The following PTK2 variants were observed in gnomAD, a reference collection of about 807,000 sequenced individuals.
The protein encoded by PTK2 is protein tyrosine kinase 2, also known as focal adhesion kinase 1.
In PTK2, 45 loss-of-function variants were observed where a neutral mutation model predicts 150.1. The observed-to-expected ratio is 0.30, with a 90% CI of 0.24 to 0.38. PTK2 has a LOEUF of 0.38. PTK2 is among the 10% of genes least tolerant of loss of function. PTK2 has a pLI of 1.00. For missense variants in PTK2, 919 were observed against 1,307.3 expected, an observed-to-expected ratio of 0.70 and a Z score of 4.58; for synonymous variants, 432 against 449.2, an observed-to-expected ratio of 0.96 and a Z score of 0.48.
At chr8:140,904,817 T>C (rs2100160216) in intron 2 of PTK2, among the ~76,000 whole-genome samples, 1 of 152,204 alleles carries the variant, frequency 6.6e-6, no homozygotes, top group Non-Finnish European at 1.5e-5. Context: ...TAATGGTAGT[T>C]TGTATTTCTG....
intron 26 of PTK2, among the ~76,000 whole-genome samples, chr8:140,689,012 C>T (rs999348191): frequency 1.3e-5 from 2 of 152,130 alleles, no homozygotes; most frequent in East Asian, 1.9e-4. Context: ...TGAAATATAG[C>T]TCAAGAGAAA....
chr8:140,803,694 C>A, intron 10 of PTK2, 44 bp from the exon 11 acceptor site: 1 of 1,508,156 alleles, frequency 6.6e-7, no homozygotes, highest in Non-Finnish European at 9.2e-7. Flanking sequence ...GGATAAAAAA[C>A]TCATTTCACA....
chr8:140,717,736 G>C, intron 22 of PTK2, 27 bp from the exon 26 acceptor site: 1 of 1,586,196 alleles, frequency 6.3e-7, no homozygotes, highest in Non-Finnish European at 8.7e-7. Context: ...TTGTCTTAGG[G>C]GAGCTGACAA....
At chr8:140,812,074 C>T (rs2100101906) in intron 10 of PTK2, among the ~76,000 whole-genome samples, 1 of 152,100 alleles carries the variant, frequency 6.6e-6, no homozygotes, top group Non-Finnish European at 1.5e-5. Context: ...TAAGATACTA[C>T]ACGAGAAGAT....
chr8:140,783,349 G>A (rs1292866235), intron 14 of PTK2, among the ~76,000 whole-genome samples: 1 of 152,148 alleles, frequency 6.6e-6, no homozygotes, highest in Non-Finnish European at 1.5e-5. Context: ...TGTGAACTTG[G>A]CCAAACCACT....
intron 28 of PTK2, among the ~76,000 whole-genome samples, chr8:140,675,038 C>G (rs1256466843): frequency 6.7e-6 from 1 of 149,398 alleles, no homozygotes; most frequent in South Asian, 2.1e-4. Context: ...TACACTCCAG[C>G]CTGGGTGACA....
chr8:140,750,733 C>G (rs2100062163), intron 17 of PTK2, among the ~76,000 whole-genome samples: 1 of 152,114 alleles, frequency 6.6e-6, no homozygotes. Flanking sequence ...AGAGCTCACT[C>G]AAGGAAGCTT....
At position 140,665,004 on chromosome 8, in the gene PTK2, G is replaced by A; in HGVS notation, c.2866-7C>T. 1 of 1,612,404 alleles carries A rather than the reference G, an allele frequency of 6.2e-7. No homozygotes were observed. Among genetic ancestry groups the A allele is most frequent in the Non-Finnish European group, 8.5e-7 (1 of 1,178,866 alleles). ...TCAGGGCCAAGCCGACTTCCTAACA[G>A]ACAAGAATCACAACCAATATTAGAA... On this transcript the variant is annotated splice_region_variant and splice_polypyrimidine_tract_variant and intron_variant, in intron 30 of 31. Transcript: ENST00000522684.
chr8:140,675,066 CAAAA>C (rs57165594), intron 28 of PTK2, among the ~76,000 whole-genome samples: 4 of 136,628 alleles, frequency 2.9e-5, no homozygotes, highest in Non-Finnish European at 1.6e-5. Flanking sequence ...ACTCTGTATC[CAAAA>C]AAAAAAAAAG....
At chr8:140,693,434 G>A (rs751755547) in intron 26 of PTK2, among the ~76,000 whole-genome samples, 6 of 151,954 alleles carry the variant, frequency 3.9e-5, no homozygotes, top group Non-Finnish European at 5.9e-5. Flanking sequence ...GCATATGCCC[G>A]TAGTCGCAGC....
intron 1 of PTK2, among the ~76,000 whole-genome samples, chr8:140,976,405 C>T (rs767451185): frequency 6.6e-6 from 1 of 152,128 alleles, no homozygotes; most frequent in Non-Finnish European, 1.5e-5. Context: ...GAAATGGACA[C>T]CCAAAATAAA....
intron 12 of PTK2, 65 bp from the exon 13 acceptor site, chr8:140,793,449 G>C: frequency 2.6e-6 from 4 of 1,558,874 alleles, no homozygotes; most frequent in Non-Finnish European, 3.5e-6. Flanking sequence ...ATGGTGCCTA[G>C]AATCAGGGAG....
intron 14 of PTK2, among the ~76,000 whole-genome samples, chr8:140,774,560 C>T (rs985967757): frequency 1.3e-5 from 2 of 152,138 alleles, no homozygotes; most frequent in Admixed American, 6.5e-5. Flanking sequence ...CAGAACAACT[C>T]CATCTTGAAT....
intron 4 of PTK2, among the ~76,000 whole-genome samples, chr8:140,870,056 ACCCGC>A (rs2100141647): frequency 6.6e-6 from 1 of 152,090 alleles, no homozygotes. Context: ...ACACAAACAC[ACCCGC>A]CCTCTTTATA....
intron 20 of PTK2, among the ~76,000 whole-genome samples, chr8:140,740,792 CAATT>C (rs2100055218): frequency 6.6e-6 from 1 of 152,156 alleles, no homozygotes; most frequent in Non-Finnish European, 1.5e-5. Flanking sequence ...AATGACTAAA[CAATT>C]AAAATGAATA....
intron 26 of PTK2, among the ~76,000 whole-genome samples, chr8:140,695,412 ATT>A (rs200068174): frequency 1.5e-4 from 20 of 136,456 alleles, no homozygotes; most frequent in African/African-American, 1.9e-4. Context: ...AGGTGGTCCT[ATT>A]TTTTTTTTTT....
intron 20 of PTK2, among the ~76,000 whole-genome samples, chr8:140,743,002 C>A (rs1442577036): frequency 6.6e-6 from 1 of 152,048 alleles, no homozygotes; most frequent in East Asian, 1.9e-4. Context: ...AGTCTATAAT[C>A]CATTCTGAGT....
At chr8:140,902,996 T>G (rs1454451735) in intron 2 of PTK2, among the ~76,000 whole-genome samples, 2 of 145,566 alleles carry the variant, frequency 1.4e-5, no homozygotes, top group African/African-American at 4.9e-5. Context: ...TAGATGCCAT[T>G]TGTCAATTTG....
chr8:140,760,051 G>A (rs1236362833), intron 16 of PTK2, among the ~76,000 whole-genome samples: 2 of 151,906 alleles, frequency 1.3e-5, no homozygotes, highest in African/African-American at 2.4e-5. Flanking sequence ...GTGAAACCCC[G>A]TCTCTACTAA....
Sources: allele counts gnomAD v4.1 joint callset (sites outside exome capture counted in the v4.1 genomes callset), GRCh38; gene constraint gnomAD v4.1.1; transcripts MANE v1.5; gene names NCBI Gene and HGNC (gene_info 2026-07-23, HGNC 2026-07-21).